Variants in ALDH1A2 observed in about 807,000 individuals in gnomAD.
ALDH1A2 encodes the protein retinal dehydrogenase 2.
ALDH1A2 carries 27 observed loss-of-function variants against 60.3 expected under a neutral mutation model. The ratio of observed to expected loss-of-function variants is 0.45; its 90% CI spans 0.33 to 0.62. The LOEUF is 0.62. Ranked by LOEUF, ALDH1A2 falls within the 20% of genes least tolerant of loss-of-function variation. ALDH1A2 has a pLI of 0.02. For synonymous variants in ALDH1A2, 289 were observed against 232.4 expected (o/e 1.24, Z -2.21); for missense variants, 581 against 643.8 (o/e 0.90, Z 1.06).
At chr15:58,021,342 C>T (rs1486248052) in intron 1 of ALDH1A2, among the ~76,000 whole-genome samples, 8 of 152,064 alleles carry the variant, frequency 5.3e-5, no homozygotes, top group Non-Finnish European at 1.0e-4. Flanking sequence ...CGGAATTCAA[C>T]AAAGAAGGGA....
chr15:58,015,903 T>C (rs1214425010), intron 1 of ALDH1A2, among the ~76,000 whole-genome samples: 1 of 152,222 alleles, frequency 6.6e-6, no homozygotes, highest in East Asian at 1.9e-4. Context: ...CTCTATTTAA[T>C]AAATTTGCTC....
chr15:58,014,010 G>C lies in ALDH1A2; in HGVS notation c.223-12C>G. On this transcript the variant is annotated splice_polypyrimidine_tract_variant and intron_variant, in intron 2 of 12. Transcript: ENST00000249750. ...TTGTCTATATCTGCCTGTTAGAGAG[G>C]AAGAGGCACAACTGAAGAAAAACAC... 6.2e-7 allele frequency: 1 copy of C among 1,614,092 alleles called. No individual in the cohort carries two copies. The highest frequency in any genetic ancestry group is 1.7e-4 in the Middle Eastern group (1 of 6,060).
At chr15:57,984,739 C>T (rs1595639215) in intron 7 of ALDH1A2, among the ~76,000 whole-genome samples, 1 of 152,182 alleles carries the variant, frequency 6.6e-6, no homozygotes, top group African/African-American at 2.4e-5. Flanking sequence ...GGATAGACCA[C>T]TTTTTGTTAA....
chr15:58,008,508 A>G (rs756392869), intron 4 of ALDH1A2, among the ~76,000 whole-genome samples: 2 of 152,110 alleles, frequency 1.3e-5, no homozygotes, highest in Non-Finnish European at 2.9e-5. Context: ...CAGGGATGTC[A>G]ATCAATATTT....
intron 7 of ALDH1A2, among the ~76,000 whole-genome samples, chr15:57,978,084 G>A (rs1894331965): frequency 6.6e-6 from 1 of 152,196 alleles, no homozygotes; most frequent in African/African-American, 2.4e-5. Context: ...AGCTTAAGGA[G>A]ATTTTGGGCT....
intron 7 of ALDH1A2, among the ~76,000 whole-genome samples, chr15:57,990,902 A>C (rs1449191649): frequency 6.6e-6 from 1 of 150,618 alleles, no homozygotes; most frequent in Non-Finnish European, 1.5e-5. Flanking sequence ...AAATTACACA[A>C]TAGAAGCCTC....
intron 1 of ALDH1A2, among the ~76,000 whole-genome samples, chr15:58,052,184 A>C (rs1896792378): frequency 6.6e-6 from 1 of 152,156 alleles, no homozygotes; most frequent in Admixed American, 6.5e-5. Context: ...AACCATGAGT[A>C]CATTGTTGAG....
chr15:57,995,687 C>A (rs1333311022), intron 4 of ALDH1A2, among the ~76,000 whole-genome samples: 3 of 152,006 alleles, frequency 2.0e-5, no homozygotes, highest in African/African-American at 7.2e-5. Flanking sequence ...ATGTCCAGGG[C>A]TATTTAAAGA....
chr15:57,980,015 C>T, intron 7 of ALDH1A2: 1 of 328,914 alleles, frequency 3.0e-6, no homozygotes, highest in Non-Finnish European at 6.3e-6. Flanking sequence ...TTATTTGTAC[C>T]CATCTGGAGG....
Position 57,961,436 on chromosome 15 carries a change from T to G in ALDH1A2, c.1252-142A>C, listed in dbSNP as rs931770901. 10 of 1,049,538 alleles carry G rather than the reference T, an allele frequency of 9.5e-6. No homozygotes were observed. In the Admixed American group the frequency reaches 1.6e-4, roughly 17 times the overall value. 65.0% of individuals were successfully genotyped at this position (1,049,538 alleles called of 1,614,324 possible). The stretch of plus-strand genomic sequence containing the variant: ...TACAAAACTGTAAAATCTCCCAACC[T>G]TTCCTAGGATAAGATTATGCAAGAA... On this transcript the variant is annotated intron_variant, in intron 10 of 12. Transcript: ENST00000249750.
intron 7 of ALDH1A2, among the ~76,000 whole-genome samples, chr15:57,967,235 T>C (rs138434933): frequency 6.6e-6 from 1 of 152,042 alleles, no homozygotes; most frequent in African/African-American, 2.4e-5. Flanking sequence ...GAAATTTATT[T>C]ACTATCTGAG....
At chr15:58,060,160 A>T (rs1206478132) in intron 1 of ALDH1A2, among the ~76,000 whole-genome samples, 1 of 152,128 alleles carries the variant, frequency 6.6e-6, no homozygotes, top group African/African-American at 2.4e-5. Flanking sequence ...GCTTCAGGTG[A>T]TCCACCCGCC....
At chr15:58,032,155 C>G (rs1431538643) in intron 1 of ALDH1A2, among the ~76,000 whole-genome samples, 1 of 151,862 alleles carries the variant, frequency 6.6e-6, no homozygotes, top group African/African-American at 2.4e-5. Context: ...CACATATACA[C>G]CATGGAATAC....
At chr15:57,998,044 AC>A (rs1595654078) in intron 4 of ALDH1A2, among the ~76,000 whole-genome samples, 1 of 152,064 alleles carries the variant, frequency 6.6e-6, no homozygotes, top group African/African-American at 2.4e-5. Flanking sequence ...GATGGAACAT[AC>A]CTCAAAATAA....
At chr15:57,957,821 C>T (rs1230871435) in intron 12 of ALDH1A2, among the ~76,000 whole-genome samples, 2 of 152,074 alleles carry the variant, frequency 1.3e-5, no homozygotes, top group Non-Finnish European at 2.9e-5. Context: ...TATTTTCCTG[C>T]TCTTTTACTT....
intron 7 of ALDH1A2, among the ~76,000 whole-genome samples, chr15:57,974,658 A>G (rs1266652982): frequency 2.0e-5 from 3 of 152,168 alleles, no homozygotes; most frequent in Admixed American, 2.0e-4. Context: ...AAAACACAAA[A>G]CTATAAAATT....
chr15:58,054,324 T>C (rs1896844788), intron 1 of ALDH1A2, among the ~76,000 whole-genome samples: 1 of 152,122 alleles, frequency 6.6e-6, no homozygotes, highest in East Asian at 1.9e-4. Flanking sequence ...AATCTGGAGA[T>C]TGCAAGATCT....
chr15:57,989,853 T>A (rs371355925), intron 7 of ALDH1A2, among the ~76,000 whole-genome samples: 1 of 151,950 alleles, frequency 6.6e-6, no homozygotes, highest in African/African-American at 2.4e-5. Flanking sequence ...AACAAAACCA[T>A]AAAAGTACTG....
intron 4 of ALDH1A2, among the ~76,000 whole-genome samples, chr15:58,000,598 T>C (rs1895232480): frequency 6.6e-6 from 1 of 152,038 alleles, no homozygotes. Context: ...TAATATTTTC[T>C]TCTAATATTC....
Sources: allele counts gnomAD v4.1 joint callset (sites outside exome capture counted in the v4.1 genomes callset), GRCh38; gene constraint gnomAD v4.1.1; transcripts MANE v1.5; gene names NCBI Gene and HGNC (gene_info 2026-07-23, HGNC 2026-07-21).